Variants in BCL2L13 observed in about 807,000 individuals in gnomAD.
BCL2L13 encodes the protein bcl-2-like protein 13.
In BCL2L13, 13 loss-of-function variants were observed where a neutral mutation model predicts 25.8. The ratio of observed to expected loss-of-function variants is 0.50; its 90% CI spans 0.33 to 0.80. The LOEUF (loss-of-function observed/expected upper bound fraction) is 0.80. BCL2L13 is among the 30% of genes least tolerant of loss of function. The probability of loss-of-function intolerance (pLI) is 0.02; values close to 1 mark genes in which losing one functional copy is unlikely to be tolerated. For missense variants in BCL2L13, 504 were observed against 574.9 expected (o/e 0.88, Z 1.26); for synonymous variants, 244 against 230.3 (o/e 1.06, Z -0.54).
chr22:17,722,775 G>A (rs2061182979), intron 6 of BCL2L13, among the ~76,000 whole-genome samples: 1 of 152,066 alleles, frequency 6.6e-6, no homozygotes. Context: ...GAACCAAAGG[G>A]TTAATCTGGG....
In BCL2L13 at chr22:17,727,021, G is replaced by T. The variant is rs776393541; in HGVS notation, c.945G>T (p.Val315=). The T allele has an allele frequency of 1.2e-6, 2 of 1,614,192 alleles. No individual in the cohort carries two copies. The highest frequency in any genetic ancestry group is 4.5e-5 in the East Asian group (2 of 44,886). ...TTGTGCACGTGGAGAAAGAAGAGGT[G>T]CCCGAGGGCATGGAAGAGGCTGCTG... ...SDIVHVEKEE[V]PEGMEEAAVA... The change falls in exon 7 of 7, where the codon GTG becomes GTT. Residue 315 remains valine (V), a synonymous_variant. Transcript: ENST00000317582.
chr22:17,714,110 G>A (rs1162490641), intron 6 of BCL2L13, among the ~76,000 whole-genome samples: 2 of 151,968 alleles, frequency 1.3e-5, no homozygotes, highest in African/African-American at 2.4e-5. Flanking sequence ...TGGCTAACAT[G>A]GTGAAACCCC....
chr22:17,708,315 C>T (rs934677265), intron 6 of BCL2L13, among the ~76,000 whole-genome samples: 4 of 152,068 alleles, frequency 2.6e-5, no homozygotes, highest in Non-Finnish European at 2.9e-5. Context: ...CAATCAGGGA[C>T]TTCATCTAAG....
At chr22:17,655,979 A>C in intron 2 of BCL2L13, 147 bp downstream of exon 2, 7 of 766,170 alleles carry the variant, frequency 9.1e-6, no homozygotes, top group Admixed American at 3.4e-5. Context: ...GCGGTGGCTC[A>C]CACCTGTTAT....
At chr22:17,630,034 C>A (rs2057973362) in intron 1 of BCL2L13, among the ~76,000 whole-genome samples, 2 of 151,908 alleles carry the variant, frequency 1.3e-5, no homozygotes, top group African/African-American at 4.8e-5. Flanking sequence ...GCCTGACCAA[C>A]ATGGAGAAAC....
At chr22:17,677,473 C>G (rs2059607196) in intron 2 of BCL2L13, among the ~76,000 whole-genome samples, 1 of 152,006 alleles carries the variant, frequency 6.6e-6, no homozygotes, top group Non-Finnish European at 1.5e-5. Flanking sequence ...TGGCTCATGC[C>G]TGTAATCCCA....
At chr22:17,643,762 C>T (rs1055162658) in intron 1 of BCL2L13, among the ~76,000 whole-genome samples, 3 of 150,760 alleles carry the variant, frequency 2.0e-5, no homozygotes, top group Non-Finnish European at 3.0e-5. Flanking sequence ...TACAGGCACT[C>T]GCCACCATGC....
chr22:17,678,855 C>T (rs1477154275), intron 2 of BCL2L13, among the ~76,000 whole-genome samples: 4 of 152,204 alleles, frequency 2.6e-5, no homozygotes, highest in South Asian at 2.1e-4. Flanking sequence ...AGTAGGTAGA[C>T]CTGCAACTTA....
chr22:17,645,815 CA>C (rs2058453537), intron 1 of BCL2L13, among the ~76,000 whole-genome samples: 1 of 151,342 alleles, frequency 6.6e-6, no homozygotes, highest in Non-Finnish European at 1.5e-5. Flanking sequence ...GGCTAGCAAC[CA>C]CAGTTGGCCC....
chr22:17,640,491 C>T (rs2058237372), intron 1 of BCL2L13, among the ~76,000 whole-genome samples: 1 of 152,152 alleles, frequency 6.6e-6, no homozygotes, highest in South Asian at 2.1e-4. Context: ...AGCACATAAT[C>T]TAATCAACAT....
At position 17,707,956 on chromosome 22, in the gene BCL2L13, A is replaced by G. The variant is rs780946405; in HGVS notation, c.600+5570A>G. ...TCATGATGCAGCCAATTTTTGTAAT[A>G]GGTCTCTGAGCAATTGTCAACCTGA... is the stretch of plus-strand genomic sequence containing the variant. On this transcript the variant is annotated intron_variant, in intron 6 of 6. Coordinates refer to ENST00000317582, the MANE Select transcript of BCL2L13 (RefSeq NM_015367.4). Among the ~76,000 whole-genome samples, 18 of 152,324 alleles carry G rather than the reference A, an allele frequency of 1.2e-4. 1 individual carries two copies. The highest frequency in any genetic ancestry group is 8.3e-4 in the South Asian group (4 of 4,828).
chr22:17,664,222 T>G (rs1601571561), intron 2 of BCL2L13, among the ~76,000 whole-genome samples: 1 of 152,092 alleles, frequency 6.6e-6, no homozygotes, highest in Non-Finnish European at 1.5e-5. Flanking sequence ...TGACCTCAGG[T>G]GATCCAGCTG....
chr22:17,711,019 C>T (rs565538487), intron 6 of BCL2L13, among the ~76,000 whole-genome samples: 11 of 152,136 alleles, frequency 7.2e-5, no homozygotes, highest in South Asian at 2.1e-4. Context: ...GAACAAAGAA[C>T]GTTCTTCAAT....
chr22:17,631,597 C>T (rs955660377), intron 1 of BCL2L13, among the ~76,000 whole-genome samples: 3 of 141,802 alleles, frequency 2.1e-5, no homozygotes, highest in Non-Finnish European at 4.5e-5. Context: ...CTCCTGGGCT[C>T]AGGGGATCCT....
intron 3 of BCL2L13, among the ~76,000 whole-genome samples, chr22:17,685,511 A>G (rs1157245747): frequency 1.3e-5 from 2 of 152,128 alleles, no homozygotes; most frequent in Non-Finnish European, 2.9e-5. Context: ...GGCGTGAACA[A>G]CTGCACCTGG....
At chr22:17,693,376 T>TTTG (rs2060169039) in intron 4 of BCL2L13, among the ~76,000 whole-genome samples, 2 of 76,920 alleles carry the variant, frequency 2.6e-5, no homozygotes, top group African/African-American at 1.1e-4. Flanking sequence ...GTGTTTGTTT[T>TTTG]TTTTTTTTTT....
At chr22:17,652,304 C>T (rs1438353416) in intron 1 of BCL2L13, among the ~76,000 whole-genome samples, 3 of 152,072 alleles carry the variant, frequency 2.0e-5, no homozygotes, top group Non-Finnish European at 4.4e-5. Flanking sequence ...TCCCAAAGTG[C>T]TAGGATTACA....
chr22:17,707,834 A>G (rs1374588520), intron 6 of BCL2L13, among the ~76,000 whole-genome samples: 1 of 152,132 alleles, frequency 6.6e-6, no homozygotes, highest in African/African-American at 2.4e-5. Context: ...TCAGAAGGTA[A>G]AATATTGCTT....
chr22:17,646,888 TTGTGTGTGTG>T (rs71201853), intron 1 of BCL2L13, among the ~76,000 whole-genome samples: 7,088 of 89,462 alleles, frequency 0.079, 367 homozygotes, highest in Middle Eastern at 0.11. Context: ...CCCAGCTAAT[TTGTGTGTGTG>T]TGTGTGTGTG....
Sources: gnomAD v4.1 joint callset for allele counts (sites outside exome capture counted in the v4.1 genomes callset) on GRCh38, gnomAD v4.1.1 for gene constraint, MANE v1.5 for transcripts, NCBI Gene and HGNC (gene_info 2026-07-23, HGNC 2026-07-21) for gene names.